MED13L: variants seen among roughly 807,000 people sequenced by gnomAD.
The protein encoded by MED13L is mediator of RNA polymerase II transcription subunit 13-like.
MED13L carries 7 observed loss-of-function variants against 220.9 expected under a neutral mutation model. The ratio of observed to expected loss-of-function variants is 0.03; its 90% CI spans 0.02 to 0.06. The LOEUF (loss-of-function observed/expected upper bound fraction) is 0.06. Among genes scored for constraint, MED13L ranks in the 10% least tolerant of loss-of-function variants. The probability of loss-of-function intolerance (pLI) is 1.00; values close to 1 mark genes in which losing one functional copy is unlikely to be tolerated. For synonymous variants in MED13L, 1,011 were observed against 1,015.2 expected (o/e 1.00, Z 0.08); for missense variants, 1,965 against 2,760.5 (o/e 0.71, Z 6.46).
intron 4 of MED13L, among the ~76,000 whole-genome samples, chr12:116,025,945 T>C (rs1226556376): frequency 6.6e-6 from 1 of 152,196 alleles, no homozygotes; most frequent in Non-Finnish European, 1.5e-5. Context: ...TATACAGGTA[T>C]CCAAGCATCA....
intron 2 of MED13L, among the ~76,000 whole-genome samples, chr12:116,115,373 G>T (rs1291919100): frequency 6.6e-6 from 1 of 151,910 alleles, no homozygotes; most frequent in African/African-American, 2.4e-5. Flanking sequence ...AGACCTGAAC[G>T]CAAAACCTAA....
At chr12:116,101,380 A>AT (rs1250283253) in intron 3 of MED13L, among the ~76,000 whole-genome samples, 1 of 152,226 alleles carries the variant, frequency 6.6e-6, no homozygotes, top group Non-Finnish European at 1.5e-5. Context: ...CTCAATAAAT[A>AT]TATGAGAAAT....
intron 1 of MED13L, among the ~76,000 whole-genome samples, chr12:116,258,763 G>A (rs559133461): frequency 2.1e-5 from 3 of 141,138 alleles, no homozygotes; most frequent in Non-Finnish European, 4.5e-5. Flanking sequence ...GCGACAGAGT[G>A]AGACTCCATC....
intron 11 of MED13L, 46 bp from the exon 12 acceptor site, chr12:116,006,457 A>C: frequency 7.0e-7 from 1 of 1,434,206 alleles, no homozygotes; most frequent in Non-Finnish European, 9.8e-7. Context: ...CACCAACCCA[A>C]AGTGTGAAAT....
At chr12:115,977,662 A>C (rs1456165362) in intron 23 of MED13L, among the ~76,000 whole-genome samples, 1 of 152,168 alleles carries the variant, frequency 6.6e-6, no homozygotes, top group Non-Finnish European at 1.5e-5. Flanking sequence ...ACATGGATGA[A>C]CCTCAAAATC....
intron 5 of MED13L, among the ~76,000 whole-genome samples, chr12:116,021,837 C>T (rs777495122): frequency 6.6e-6 from 1 of 152,048 alleles, no homozygotes; most frequent in Non-Finnish European, 1.5e-5. Flanking sequence ...ATTTGTAATG[C>T]TCAGATCAAA....
At chr12:116,113,488 T>TTATATA (rs36006204) in intron 2 of MED13L, among the ~76,000 whole-genome samples, 1 of 145,318 alleles carries the variant, frequency 6.9e-6, no homozygotes, top group East Asian at 2.0e-4. Context: ...AAAAAAAAAA[T>TTATATA]TATATATATA....
intron 2 of MED13L, among the ~76,000 whole-genome samples, chr12:116,206,269 C>T (rs917100368): frequency 1.3e-5 from 2 of 151,670 alleles, no homozygotes; most frequent in African/African-American, 2.4e-5. Flanking sequence ...TTAGTAGAGA[C>T]GGTGTTTCAC....
intron 1 of MED13L, among the ~76,000 whole-genome samples, chr12:116,242,677 T>C (rs926429044): frequency 2.0e-5 from 3 of 152,188 alleles, no homozygotes; most frequent in African/African-American, 4.8e-5. Flanking sequence ...TTATTTCTAA[T>C]ACCGAGCACC....
intron 2 of MED13L, among the ~76,000 whole-genome samples, chr12:116,147,175 C>G (rs1877596539): frequency 6.6e-6 from 1 of 152,128 alleles, no homozygotes; most frequent in African/African-American, 2.4e-5. Flanking sequence ...ACACTGCAGT[C>G]AAACTATGAA....
chr12:116,007,708 G>C (rs1879145707), intron 10 of MED13L, 72 bp from the exon 11 acceptor site: 5 of 1,311,224 alleles, frequency 3.8e-6, no homozygotes, highest in Admixed American at 2.2e-5. Flanking sequence ...TAAACTTTTT[G>C]TAAAAACAAC....
chr12:116,098,463 TA>T (rs1169080864), intron 3 of MED13L, among the ~76,000 whole-genome samples: 1 of 152,194 alleles, frequency 6.6e-6, no homozygotes, highest in Non-Finnish European at 1.5e-5. Context: ...AGCAATTCTT[TA>T]TTCCATATTG....
At chr12:116,161,611 G>A (rs988504843) in intron 2 of MED13L, among the ~76,000 whole-genome samples, 1 of 152,098 alleles carries the variant, frequency 6.6e-6, no homozygotes, top group African/African-American at 2.4e-5. Flanking sequence ...ACAAGCTATA[G>A]GAGACAGATA....
At chr12:116,220,042 C>T (rs562851172) in intron 2 of MED13L, among the ~76,000 whole-genome samples, 11 of 152,078 alleles carry the variant, frequency 7.2e-5, no homozygotes, top group African/African-American at 2.2e-4. Context: ...TGATCCACCC[C>T]GCCTCAGCCT....
At chr12:116,277,002 G>T in intron 1 of MED13L, 58 bp downstream of exon 1, 2 of 1,503,610 alleles carry the variant, frequency 1.3e-6, no homozygotes, top group South Asian at 2.4e-5. Flanking sequence ...CGGCGGCGGA[G>T]GTCGGGGACC....
intron 3 of MED13L, 63 bp from the exon 4 acceptor site, chr12:116,096,815 G>T: frequency 2.6e-6 from 3 of 1,151,364 alleles, no homozygotes; most frequent in Non-Finnish European, 2.6e-6. Context: ...AGTCGCTGAA[G>T]CAATACACCA....
intron 2 of MED13L, among the ~76,000 whole-genome samples, chr12:116,129,695 G>C (rs1173609512): frequency 6.6e-6 from 1 of 152,132 alleles, no homozygotes; most frequent in Non-Finnish European, 1.5e-5. Flanking sequence ...GATCACCCAA[G>C]GTCAGGAGTT....
chr12:115,962,566 TTAATC>T (rs1212614203), intron 30 of MED13L: 1 of 152,164 alleles, frequency 6.6e-6, no homozygotes, highest in South Asian at 2.1e-4. Flanking sequence ...TAATTATACA[TTAATC>T]TATAATATAT....
At chr12:116,046,872 C>G (rs1427075293) in intron 4 of MED13L, among the ~76,000 whole-genome samples, 1 of 152,062 alleles carries the variant, frequency 6.6e-6, no homozygotes, top group African/African-American at 2.4e-5. Context: ...ACTTGGGAGG[C>G]TGAGGCAGGA....
Sources: allele counts gnomAD v4.1 joint callset (sites outside exome capture counted in the v4.1 genomes callset), GRCh38; gene constraint gnomAD v4.1.1; transcripts MANE v1.5; gene names NCBI Gene and HGNC (gene_info 2026-07-23, HGNC 2026-07-21).